TMEM132C: variants seen among roughly 807,000 people sequenced by gnomAD.
TMEM132C encodes the protein protein phosphatase 1, regulatory subunit 152.
TMEM132C carries 29 observed loss-of-function variants against 61.4 expected under a neutral mutation model. The ratio of observed to expected loss-of-function variants is 0.47; its 90% CI spans 0.35 to 0.64. TMEM132C has a LOEUF of 0.64. TMEM132C is among the 30% of genes least tolerant of loss of function. The pLI is 0.00. For missense variants in TMEM132C, 1,408 were observed against 1,476.9 expected (o/e 0.95, Z 0.76); for synonymous variants, 656 against 633.1 (o/e 1.04, Z -0.54).
intron 1 of TMEM132C, among the ~76,000 whole-genome samples, chr12:128,295,858 C>A (rs1871398407): frequency 6.6e-6 from 1 of 151,956 alleles, no homozygotes; most frequent in African/African-American, 2.4e-5. Context: ...TTTAGTTGTA[C>A]ATTCCTCTGT....
rs907150161 is a variant in TMEM132C at position 128,509,678 on chromosome 12, G to A, written c.975-34279G>A. Among the ~76,000 whole-genome samples, 8 of 152,064 alleles carry A rather than the reference G, an allele frequency of 5.3e-5. No individual in the cohort carries two copies. In the South Asian group the frequency reaches 8.3e-4, roughly 16 times the overall value. ...CAGCCTGAGAGTGTGGGGTAGGGAC[G>A]GCTGGAGAACTAGAATATCACAGTC... is the stretch of plus-strand genomic sequence containing the variant. On this transcript the variant is annotated intron_variant, in intron 2 of 8. Transcript: ENST00000435159.
chr12:128,705,294 G>C lies in TMEM132C; in HGVS notation c.2326G>C (p.Ala776Pro), dbSNP rs985061554. The change falls in exon 9 of 9, where the codon GCC becomes CCC. Residue 776 changes from alanine (A) to proline (P), a missense_variant. Transcript: ENST00000435159. ...ACTGATCCGAGTGGACATGACGATC[G>C]CCGAGGCCTGCCAGAAATCTAAACG... ...GPLIRVDMTI[A>P]EACQKSKRKS... 6.4e-7 allele frequency: 1 copy of C among 1,551,256 alleles called. No homozygotes were observed. The highest frequency in any genetic ancestry group is 1.4e-5 in the African/African-American group (1 of 73,046).
intron 2 of TMEM132C, among the ~76,000 whole-genome samples, chr12:128,516,948 A>T (rs1872737254): frequency 6.6e-6 from 1 of 151,646 alleles, no homozygotes; most frequent in African/African-American, 2.4e-5. Flanking sequence ...CTTGCCGGGC[A>T]TGGTGGCTCA....
chr12:128,534,216 G>A (rs777030554), intron 2 of TMEM132C, among the ~76,000 whole-genome samples: 2 of 152,116 alleles, frequency 1.3e-5, no homozygotes, highest in Non-Finnish European at 2.9e-5. Context: ...TTTTTGTTTC[G>A]TTTGGGTTTT....
intron 3 of TMEM132C, among the ~76,000 whole-genome samples, chr12:128,561,080 C>A (rs7310679): frequency 0.039 from 6,010 of 152,292 alleles, 374 homozygotes; most frequent in African/African-American, 0.14. Flanking sequence ...TTCTTTCCTT[C>A]CCCCAGACCT....
At chr12:128,512,216 C>T (rs1023411143) in intron 2 of TMEM132C, among the ~76,000 whole-genome samples, 8 of 152,106 alleles carry the variant, frequency 5.3e-5, no homozygotes, top group African/African-American at 9.7e-5. Flanking sequence ...TCCATCTCAG[C>T]GCCCACCCCC....
At chr12:128,324,065 A>G (rs893099101) in intron 1 of TMEM132C, among the ~76,000 whole-genome samples, 1 of 152,204 alleles carries the variant, frequency 6.6e-6, no homozygotes, top group Admixed American at 6.5e-5. Flanking sequence ...TCTGTGCTAC[A>G]TGGAAACTAA....
At chr12:128,344,580 C>T (rs969088456) in intron 1 of TMEM132C, among the ~76,000 whole-genome samples, 52 of 152,164 alleles carry the variant, frequency 3.4e-4, no homozygotes, top group African/African-American at 1.2e-3. Flanking sequence ...CACTATAGAG[C>T]CATAAGAGCA....
intron 2 of TMEM132C, among the ~76,000 whole-genome samples, chr12:128,468,271 T>C (rs2136077254): frequency 6.6e-6 from 1 of 152,150 alleles, no homozygotes; most frequent in East Asian, 1.9e-4. Context: ...GGGCTTAGAC[T>C]TTCTCCTGAA....
At chr12:128,438,986 G>A (rs1869690593) in intron 2 of TMEM132C, 1 of 152,304 alleles carries the variant, frequency 6.6e-6, no homozygotes, top group African/African-American at 2.4e-5. Context: ...AGTAGCAGGT[G>A]GGCAAGGTCA....
At chr12:128,632,957 A>G (rs1188841531) in intron 4 of TMEM132C, among the ~76,000 whole-genome samples, 1 of 152,194 alleles carries the variant, frequency 6.6e-6, no homozygotes, top group African/African-American at 2.4e-5. Context: ...TTGGTGCATA[A>G]CAATTTTCCC....
intron 4 of TMEM132C, among the ~76,000 whole-genome samples, chr12:128,624,998 G>A (rs1003428782): frequency 6.6e-6 from 1 of 152,156 alleles, no homozygotes; most frequent in African/African-American, 2.4e-5. Flanking sequence ...AACTAGCAAG[G>A]GAGGGGGGTG....
intron 2 of TMEM132C, among the ~76,000 whole-genome samples, chr12:128,483,417 G>T (rs1182351106): frequency 6.7e-6 from 1 of 149,906 alleles, no homozygotes; most frequent in Non-Finnish European, 1.5e-5. Context: ...GTCACTGAGG[G>T]GCTCCAGGGC....
chr12:128,650,875 C>G (rs757220021), intron 4 of TMEM132C, among the ~76,000 whole-genome samples: 3 of 152,152 alleles, frequency 2.0e-5, no homozygotes, highest in African/African-American at 4.8e-5. Flanking sequence ...TGAGGTAAGG[C>G]TCAAATTCCA....
chr12:128,531,395 G>C (rs760392067), intron 2 of TMEM132C, among the ~76,000 whole-genome samples: 1 of 152,228 alleles, frequency 6.6e-6, no homozygotes, highest in Admixed American at 6.5e-5. Context: ...ACGTTTGACT[G>C]CAGCTGTTTT....
intron 1 of TMEM132C, among the ~76,000 whole-genome samples, chr12:128,304,782 A>G (rs1871711874): frequency 6.6e-6 from 1 of 152,212 alleles, no homozygotes; most frequent in African/African-American, 2.4e-5. Context: ...GTCCACTCAA[A>G]GAGCCCATAG....
chr12:128,690,249 C>T (rs936189566), intron 5 of TMEM132C, among the ~76,000 whole-genome samples: 13 of 152,282 alleles, frequency 8.5e-5, no homozygotes, highest in Admixed American at 6.5e-4. Context: ...ATGGGCAGCT[C>T]ATCCACAATG....
intron 4 of TMEM132C, among the ~76,000 whole-genome samples, chr12:128,667,531 GCC>G (rs959794864): frequency 1.3e-5 from 2 of 152,190 alleles, no homozygotes; most frequent in African/African-American, 4.8e-5. Flanking sequence ...TCACAGAGAG[GCC>G]GAGGCTCTAC....
chr12:128,313,248 T>C (rs1462706176), intron 1 of TMEM132C, among the ~76,000 whole-genome samples: 2 of 152,206 alleles, frequency 1.3e-5, no homozygotes, highest in Admixed American at 1.3e-4. Context: ...CTGCTGTCTA[T>C]CTCCTGCACA....
Sources: allele counts gnomAD v4.1 joint callset (sites outside exome capture counted in the v4.1 genomes callset), GRCh38; gene constraint gnomAD v4.1.1; transcripts MANE v1.5; gene names NCBI Gene and HGNC (gene_info 2026-07-23, HGNC 2026-07-21).